The following KCND3 variants were observed in gnomAD, a reference collection of about 807,000 sequenced individuals.
KCND3 encodes potassium voltage-gated channel subfamily D member 3.
KCND3 carries 9 observed loss-of-function variants against 51.1 expected under a neutral mutation model. That is an observed-to-expected ratio of 0.18 (90% confidence interval 0.11 to 0.31). KCND3 has a LOEUF of 0.31. Among genes scored for constraint, KCND3 ranks in the 10% least tolerant of loss-of-function variants. The pLI is 1.00. For synonymous variants in KCND3, 349 were observed against 368.0 expected, an observed-to-expected ratio of 0.95 and a Z score of 0.59; for missense variants, 526 against 903.8, an observed-to-expected ratio of 0.58 and a Z score of 5.36.
At chr1:111,861,878 G>GCTCAGCCACTTTA (rs906174985) in intron 2 of KCND3, among the ~76,000 whole-genome samples, 9 of 152,184 alleles carry the variant, frequency 5.9e-5, no homozygotes, top group Non-Finnish European at 1.0e-4. Context: ...TGACTGCACT[G>GCTCAGCCACTTTA]CTCAGCCACT....
Position 111,971,185 on chromosome 1 carries a change from C to T in KCND3, c.1106+10436G>A, listed in dbSNP as rs551441924. ...CTGTGGCCATTTAGACCCCATGTGC[C>T]ATCCACATGCCAATGTAAGGGTCCC... On this transcript the variant is annotated intron_variant, in intron 2 of 7. Coordinates refer to ENST00000302127, the MANE Select transcript of KCND3 (RefSeq NM_001378969.1). Among the ~76,000 whole-genome samples, 9 of 152,054 alleles carry T rather than the reference C, an allele frequency of 5.9e-5. No individual in the cohort carries two copies. In the South Asian group the frequency reaches 1.9e-3, roughly 32 times the overall value.
intron 6 of KCND3, 102 bp from the exon 7 acceptor site, chr1:111,777,375 A>C (rs1664175259): frequency 7.7e-7 from 1 of 1,296,902 alleles, no homozygotes; most frequent in Non-Finnish European, 1.1e-6. Context: ...TGGACCTTGA[A>C]GGAAGGGCTC....
intron 2 of KCND3, among the ~76,000 whole-genome samples, chr1:111,928,860 G>C (rs1304180308): frequency 6.6e-6 from 1 of 152,174 alleles, no homozygotes; most frequent in South Asian, 2.1e-4. Flanking sequence ...CCAGTGTTCG[G>C]GATGAAAAGG....
At chr1:111,910,419 G>A (rs979062320) in intron 2 of KCND3, 1 of 152,268 alleles carries the variant, frequency 6.6e-6, no homozygotes, top group Non-Finnish European at 1.5e-5. Flanking sequence ...CTGATCAAGA[G>A]TGGGGAGGAC....
chr1:111,987,238 C>G (rs567032647), intron 1 of KCND3, among the ~76,000 whole-genome samples: 79 of 152,266 alleles, frequency 5.2e-4, no homozygotes, highest in Non-Finnish European at 8.2e-4. Context: ...TACCCTAAGC[C>G]AATCTCCAAG....
intron 2 of KCND3, among the ~76,000 whole-genome samples, chr1:111,870,631 A>C (rs922991736): frequency 1.3e-5 from 2 of 152,192 alleles, no homozygotes; most frequent in Non-Finnish European, 2.9e-5. Context: ...CATCAAGTCC[A>C]AGATCTGGAG....
intron 2 of KCND3, among the ~76,000 whole-genome samples, chr1:111,979,888 G>C (rs1383360919): frequency 6.6e-6 from 1 of 152,136 alleles, no homozygotes; most frequent in Non-Finnish European, 1.5e-5. Flanking sequence ...TATCCTGAAG[G>C]ATCTCTCTGA....
At chr1:111,978,322 T>C (rs746650124) in intron 2 of KCND3, among the ~76,000 whole-genome samples, 18 of 152,086 alleles carry the variant, frequency 1.2e-4, no homozygotes, top group Non-Finnish European at 2.4e-4. Flanking sequence ...CGCTCCAGAC[T>C]GGAAATAGGA....
chr1:111,809,456 C>T (rs888348885), intron 2 of KCND3, among the ~76,000 whole-genome samples: 1 of 152,086 alleles, frequency 6.6e-6, no homozygotes, highest in African/African-American at 2.4e-5. Flanking sequence ...CTACAGGCGC[C>T]CACCACCACA....
chr1:111,883,364 C>T (rs1669425387), intron 2 of KCND3, among the ~76,000 whole-genome samples: 1 of 152,252 alleles, frequency 6.6e-6, no homozygotes, highest in South Asian at 2.1e-4. Context: ...ATTACACAAA[C>T]ATTCATCATT....
Position 111,982,753 on chromosome 1 carries a change from C to T in KCND3, c.-27G>A, listed in dbSNP as rs756042489. ...GTGACTCCAGCTCTTGGGCCGGCAG[C>T]CGCGCGGACGCTAGGCACACCAGCT... On this transcript the variant is annotated 5_prime_UTR_variant, in exon 2 of 8. Coordinates refer to ENST00000302127, the MANE Select transcript of KCND3 (RefSeq NM_001378969.1). This position sits in a 1 kb window ranked among gnomAD's most constrained non-coding sequence, Gnocchi z 8.5. 11 of 1,588,218 alleles carry T rather than the reference C, an allele frequency of 6.9e-6. No homozygotes were observed. Among genetic ancestry groups the T allele is most frequent in the Non-Finnish European group, 9.4e-6 (11 of 1,174,344 alleles).
intron 2 of KCND3, among the ~76,000 whole-genome samples, chr1:111,813,570 C>G (rs895772080): frequency 6.6e-6 from 1 of 152,262 alleles, no homozygotes; most frequent in Non-Finnish European, 1.5e-5. Flanking sequence ...GCTGAAGGCT[C>G]TAGCTGTCTT....
chr1:111,792,456 G>A (rs1017880176), intron 2 of KCND3, among the ~76,000 whole-genome samples: 5 of 152,270 alleles, frequency 3.3e-5, no homozygotes, highest in Admixed American at 1.3e-4. Flanking sequence ...AGTGAGGGTG[G>A]GGCTAGAGAG....
chr1:111,775,819 A>AGCCCCC lies in KCND3; in HGVS notation c.*257_*258insGGGGGC. 3.1e-5 allele frequency: 3 copies of AGCCCCC among 97,706 alleles called. 1 individual carries two copies. Among genetic ancestry groups the AGCCCCC allele is most frequent in the South Asian group, 1.9e-4 (1 of 5,202 alleles). The allele number at this position is 97,706 out of a possible 1,614,324, so 6.1% of individuals were successfully genotyped here. A position where few individuals can be genotyped will look rare whatever the true frequency, so the allele number is the denominator to read the frequency against. On this transcript the variant is annotated 3_prime_UTR_variant, in exon 8 of 8. Transcript: ENST00000302127. ...GCCTATATCCCCCGGCCTATCCCCG[A>AGCCCCC]CCCCCCCACCCTCCCTCCCTTCCTC...
At chr1:111,788,145 C>A (rs1476232208) in intron 2 of KCND3, among the ~76,000 whole-genome samples, 1 of 152,220 alleles carries the variant, frequency 6.6e-6, no homozygotes, top group Non-Finnish European at 1.5e-5. Flanking sequence ...CAGGCCAGAG[C>A]CTCTGTCCCT....
At chr1:111,816,010 G>A (rs984175221) in intron 2 of KCND3, among the ~76,000 whole-genome samples, 6 of 152,196 alleles carry the variant, frequency 3.9e-5, no homozygotes, top group African/African-American at 1.4e-4. Context: ...CAACCTGAGC[G>A]CTAATGCTGT....
chr1:111,833,177 T>C (rs1478277732), intron 2 of KCND3, among the ~76,000 whole-genome samples: 1 of 152,274 alleles, frequency 6.6e-6, no homozygotes. Context: ...CTTGACACTA[T>C]GTCTGATCCA....
At chr1:111,792,029 C>T (rs929066745) in intron 2 of KCND3, among the ~76,000 whole-genome samples, 6 of 152,186 alleles carry the variant, frequency 3.9e-5, no homozygotes, top group African/African-American at 1.2e-4. Flanking sequence ...TTCTAGGCTG[C>T]TGTGTCGAGT....
chr1:111,858,285 G>C (rs1268133864), intron 2 of KCND3, among the ~76,000 whole-genome samples: 1 of 152,004 alleles, frequency 6.6e-6, no homozygotes, highest in African/African-American at 2.4e-5. Flanking sequence ...CATCTCTTAG[G>C]GACTGCCTTA....
Sources: gnomAD v4.1 joint callset for allele counts (sites outside exome capture counted in the v4.1 genomes callset) on GRCh38, gnomAD v4.1.1 for gene constraint, Gnocchi (gnomAD v3.1) non-coding constraint, MANE v1.5 for transcripts, NCBI Gene and HGNC (gene_info 2026-07-23, HGNC 2026-07-21) for gene names.